Variants in RABGAP1L observed in about 807,000 individuals in gnomAD.
The protein encoded by RABGAP1L is rab GTPase-activating protein 1-like.
Under a neutral mutation model 137.7 loss-of-function variants are expected in RABGAP1L, and 63 were observed. The observed-to-expected ratio is 0.46, with a 90% confidence interval of 0.37 to 0.56. The LOEUF (loss-of-function observed/expected upper bound fraction) is 0.56, where lower values mean the gene tolerates loss of function less well. Among genes scored for constraint, RABGAP1L ranks in the 20% least tolerant of loss-of-function variants. The pLI is 0.00. For synonymous variants in RABGAP1L, 431 were observed against 433.7 expected (o/e 0.99, Z 0.08); for missense variants, 1,095 against 1,244.0 (o/e 0.88, Z 1.80).
chr1:174,628,584 A>T (rs1186462906), intron 13 of RABGAP1L, among the ~76,000 whole-genome samples: 1 of 152,230 alleles, frequency 6.6e-6, no homozygotes. Context: ...ACATGAGGAA[A>T]CTGTAGTTTA....
At chr1:174,819,057 C>T (rs1260494576) in intron 19 of RABGAP1L, among the ~76,000 whole-genome samples, 3 of 151,724 alleles carry the variant, frequency 2.0e-5, no homozygotes, top group Admixed American at 1.3e-4. Flanking sequence ...GTGGCACATG[C>T]CGGGAGTCCT....
At chr1:174,871,148 T>G (rs1652125122) in intron 19 of RABGAP1L, among the ~76,000 whole-genome samples, 1 of 150,736 alleles carries the variant, frequency 6.6e-6, no homozygotes, top group Admixed American at 6.6e-5. Context: ...AAATGTTGAG[T>G]TTTTTGTTTG....
chr1:174,403,225 G>GTT (rs1305126663), intron 13 of RABGAP1L, among the ~76,000 whole-genome samples: 3 of 125,304 alleles, frequency 2.4e-5, no homozygotes, highest in African/African-American at 1.2e-4. Flanking sequence ...GTGTGTGTGT[G>GTT]TGTGTGTGTG....
intron 10 of RABGAP1L, among the ~76,000 whole-genome samples, chr1:174,287,112 A>G (rs1571923967): frequency 1.3e-5 from 2 of 152,246 alleles, no homozygotes; most frequent in South Asian, 2.1e-4. Context: ...TGATCTATCT[A>G]CTGTCAAGAG....
At chr1:174,291,268 A>ATTT (rs79457080) in intron 10 of RABGAP1L, among the ~76,000 whole-genome samples, 6 of 151,148 alleles carry the variant, frequency 4.0e-5, no homozygotes, top group Middle Eastern at 3.2e-3. Context: ...AATTACATTG[A>ATTT]TTTTTTTTAA....
In RABGAP1L at chr1:174,728,242, T is replaced by C. The variant is rs533961201; in HGVS notation, c.2170-24071T>C. ...TTTAAATTTTTACAGCATTAAAAAA[T>C]GAAAAGCTAAACAAATTAGCAACTT... is the stretch of plus-strand genomic sequence containing the variant. On this transcript the variant is annotated intron_variant, in intron 17 of 25. Coordinates refer to ENST00000681986, the MANE Select transcript of RABGAP1L (RefSeq NM_001366446.1). 2.0e-5 allele frequency among the ~76,000 whole-genome samples: 3 copies of C among 152,308 alleles called. No homozygotes were observed. In the South Asian group the frequency reaches 6.2e-4, roughly 32 times the overall value.
intron 18 of RABGAP1L, among the ~76,000 whole-genome samples, chr1:174,782,998 T>A (rs985024773): frequency 3.3e-5 from 5 of 152,018 alleles, no homozygotes; most frequent in Non-Finnish European, 7.4e-5. Flanking sequence ...CTGTTTTCAC[T>A]CTATTAAATC....
At chr1:174,562,103 C>A (rs919441544) in intron 13 of RABGAP1L, among the ~76,000 whole-genome samples, 2 of 152,056 alleles carry the variant, frequency 1.3e-5, no homozygotes, top group African/African-American at 4.8e-5. Flanking sequence ...TGCAATCTAT[C>A]CATCTGACAA....
At chr1:174,544,957 C>T (rs551991482) in intron 13 of RABGAP1L, 33 of 164,724 alleles carry the variant, frequency 2.0e-4, no homozygotes, top group Non-Finnish European at 3.6e-4. Flanking sequence ...CCTGATCCTT[C>T]CTCTGGAAGC....
intron 18 of RABGAP1L, among the ~76,000 whole-genome samples, chr1:174,793,263 G>A (rs1426422305): frequency 6.6e-6 from 1 of 152,176 alleles, no homozygotes; most frequent in Non-Finnish European, 1.5e-5. Flanking sequence ...ATTGGCAATA[G>A]GTATTAGTGA....
chr1:174,175,683 TG>T (rs1182017011), intron 1 of RABGAP1L, among the ~76,000 whole-genome samples: 1 of 147,864 alleles, frequency 6.8e-6, no homozygotes, highest in African/African-American at 2.5e-5. Flanking sequence ...TGGAGTGCAA[TG>T]GTGCGATCTC....
At chr1:174,928,058 C>T (rs17302033) in intron 19 of RABGAP1L, among the ~76,000 whole-genome samples, 30,950 of 152,110 alleles carry the variant, frequency 0.2, 3,492 homozygotes, top group Admixed American at 0.24. Context: ...CTTACTGTGC[C>T]CTATAAGGCC....
At chr1:174,171,065 G>A (rs1665342789) in intron 1 of RABGAP1L, among the ~76,000 whole-genome samples, 1 of 152,172 alleles carries the variant, frequency 6.6e-6, no homozygotes, top group Admixed American at 6.5e-5. Flanking sequence ...CAGAAATGTA[G>A]GGATGTATTA....
At chr1:174,383,383 C>A (rs1277307097) in intron 12 of RABGAP1L, among the ~76,000 whole-genome samples, 1 of 151,886 alleles carries the variant, frequency 6.6e-6, no homozygotes, top group Non-Finnish European at 1.5e-5. Flanking sequence ...GCGCCCCTCC[C>A]CCAGCCTCAC....
In RABGAP1L at chr1:174,613,957, A is replaced by G. The variant is rs566280701; in HGVS notation, c.1711-23418A>G. The stretch of plus-strand genomic sequence containing the variant: ...ATTTTGAGCCTATGTGTGTCTCTGC[A>G]CATGAGATGGGTTTCCTGAATACAG... On this transcript the variant is annotated intron_variant, in intron 13 of 25. Coordinates refer to ENST00000681986, the MANE Select transcript of RABGAP1L (RefSeq NM_001366446.1). 7.2e-5 allele frequency among the ~76,000 whole-genome samples: 11 copies of G among 152,272 alleles called. No individual in the cohort carries two copies. The East Asian group carries it at 2.1e-3, about 29-fold the overall frequency.
chr1:174,887,485 A>G (rs1655355100), intron 19 of RABGAP1L, among the ~76,000 whole-genome samples: 1 of 151,998 alleles, frequency 6.6e-6, no homozygotes, highest in African/African-American at 2.4e-5. Flanking sequence ...GTGAATTGGC[A>G]CTCTTTTTTC....
At chr1:174,327,430 A>G (rs1242986427) in intron 11 of RABGAP1L, among the ~76,000 whole-genome samples, 1 of 152,102 alleles carries the variant, frequency 6.6e-6, no homozygotes, top group Non-Finnish European at 1.5e-5. Context: ...TTGTCAGCTT[A>G]AAATAATATA....
At position 174,761,427 on chromosome 1, in the gene RABGAP1L, C is replaced by T. The variant is rs958406694; in HGVS notation, c.2211+9073C>T. ...AGAGGGTGGCACGGCCAGGCAGAGG[C>T]GCTCCTCAGTTTTCAGACGGTGCAG... On this transcript the variant is annotated intron_variant, in intron 18 of 25. Coordinates refer to ENST00000681986, the MANE Select transcript of RABGAP1L (RefSeq NM_001366446.1). This position sits in a 1 kb window ranked among gnomAD's most constrained non-coding sequence, Gnocchi z 4.0. Among the ~76,000 whole-genome samples the T allele has an allele frequency of 2.0e-5, 3 of 152,000 alleles. No individual in the cohort carries two copies. Among genetic ancestry groups the T allele is most frequent in the African/African-American group, 4.8e-5 (2 of 41,404 alleles).
chr1:174,526,733 A>G (rs923114487), intron 13 of RABGAP1L, among the ~76,000 whole-genome samples: 1 of 151,882 alleles, frequency 6.6e-6, no homozygotes, highest in Non-Finnish European at 1.5e-5. Context: ...TGGTTAGTCT[A>G]GCTCTAGTGG....
Sources: gnomAD v4.1 joint callset for allele counts (sites outside exome capture counted in the v4.1 genomes callset) on GRCh38, gnomAD v4.1.1 for gene constraint, Gnocchi (gnomAD v3.1) non-coding constraint, MANE v1.5 for transcripts, NCBI Gene and HGNC (gene_info 2026-07-23, HGNC 2026-07-21) for gene names.